Variants in LRBA observed in about 807,000 individuals in gnomAD.
The protein encoded by LRBA is lipopolysaccharide-responsive and beige-like anchor protein.
In LRBA, 176 loss-of-function variants were observed where a neutral mutation model predicts 330.0. The ratio of observed to expected loss-of-function variants is 0.53; its 90% CI spans 0.47 to 0.60. The LOEUF (loss-of-function observed/expected upper bound fraction) is 0.60, where lower values mean the gene tolerates loss of function less well. Among genes scored for constraint, LRBA ranks in the 20% least tolerant of loss-of-function variants. The pLI is 0.00. For synonymous variants in LRBA, 1,230 were observed against 1,193.0 expected, an observed-to-expected ratio of 1.03 and a Z score of -0.64; for missense variants, 3,259 against 3,444.8, an observed-to-expected ratio of 0.95 and a Z score of 1.35.
intron 2 of LRBA, among the ~76,000 whole-genome samples, chr4:150,988,922 T>G: frequency 6.6e-6 from 1 of 152,008 alleles, no homozygotes; most frequent in Non-Finnish European, 1.5e-5. Context: ...AATGAGTTTT[T>G]ATTGGCTGTT....
intron 37 of LRBA, among the ~76,000 whole-genome samples, chr4:150,670,922 T>TC (rs1196780491): frequency 7.9e-5 from 12 of 152,116 alleles, no homozygotes; most frequent in African/African-American, 2.9e-4. Flanking sequence ...ATTATCTTTC[T>TC]CCCCCACAAT....
At chr4:150,453,212 C>G (rs1753609826) in intron 44 of LRBA, among the ~76,000 whole-genome samples, 1 of 151,418 alleles carries the variant, frequency 6.6e-6, no homozygotes, top group Non-Finnish European at 1.5e-5. Flanking sequence ...AAGCCTAGAA[C>G]AGCCAAACAA....
At chr4:150,864,587 T>C (rs1752428377) in intron 22 of LRBA, among the ~76,000 whole-genome samples, 1 of 150,934 alleles carries the variant, frequency 6.6e-6, no homozygotes, top group East Asian at 1.9e-4. Flanking sequence ...CATACAGCTA[T>C]GCAGTAGGAA....
intron 33 of LRBA, among the ~76,000 whole-genome samples, chr4:150,802,794 C>T (rs1311425315): frequency 1.3e-5 from 2 of 151,810 alleles, no homozygotes; most frequent in South Asian, 2.1e-4. Flanking sequence ...GAGGCAAGGC[C>T]GGAGGACTGC....
At chr4:150,292,753 TG>T (rs1275105644) in intron 53 of LRBA, among the ~76,000 whole-genome samples, 6 of 152,184 alleles carry the variant, frequency 3.9e-5, no homozygotes, top group Non-Finnish European at 7.4e-5. Flanking sequence ...AAAGGATCAT[TG>T]GATCTGGTTT....
chr4:150,587,988 CT>C, intron 40 of LRBA, 59 bp downstream of exon 40: 1 of 1,554,428 alleles, frequency 6.4e-7, no homozygotes, highest in South Asian at 1.3e-5. Flanking sequence ...AATCCCAATC[CT>C]ATCCAACAGC....
chr4:150,435,826 T>C (rs1751039744), intron 45 of LRBA, 118 bp from the exon 46 acceptor site: 1 of 582,960 alleles, frequency 1.7e-6, no homozygotes, highest in Non-Finnish European at 2.9e-6. Context: ...TAATATAAAC[T>C]AGGTATATAA....
intron 48 of LRBA, among the ~76,000 whole-genome samples, chr4:150,331,870 T>C (rs1734045543): frequency 6.6e-6 from 1 of 152,154 alleles, no homozygotes; most frequent in Non-Finnish European, 1.5e-5. Flanking sequence ...ACAGCCTCAG[T>C]TCAAATCTTA....
chr4:150,868,044 A>T (rs1752953619), intron 21 of LRBA, 138 bp downstream of exon 21: 1 of 951,194 alleles, frequency 1.1e-6, no homozygotes, highest in Non-Finnish European at 1.5e-6. Context: ...ACTATGTGGT[A>T]CATTATTTAC....
intron 17 of LRBA, among the ~76,000 whole-genome samples, chr4:150,885,436 C>A (rs1294898876): frequency 6.6e-6 from 1 of 152,058 alleles, no homozygotes; most frequent in Non-Finnish European, 1.5e-5. Context: ...GCCTGACCCA[C>A]ACAGTGAAAC....
rs542850058 is a variant in LRBA at position 150,737,307 on chromosome 4, A to G, written c.5646-1941T>C. Among the ~76,000 whole-genome samples, 395 of 152,178 alleles carry G rather than the reference A, an allele frequency of 2.6e-3. 1 individual carries two copies. Among genetic ancestry groups the G allele is most frequent in the Non-Finnish European group, 4.8e-3 (323 of 67,996 alleles). ...AAACCCTGTCTCTACTAAAAATATA[A>G]AAATTAGCCAGGCATGATGGCAGGT... On this transcript the variant is annotated intron_variant, in intron 35 of 56. Transcript: ENST00000651943.
At position 150,817,167 on chromosome 4, in the gene LRBA, T is replaced by C; in HGVS notation, c.5262A>G (p.Ser1754=). Residue 1754 remains serine (S), a synonymous_variant, in exon 31 of 57, where the codon TCA becomes TCG. Coordinates refer to ENST00000651943, the MANE Select transcript of LRBA (RefSeq NM_001364905.1). ...TATCTGAGGCTTGGGCTGAATCTACTGAGGAAACCACACTGACAGCATTGG... is the reference window on the plus strand; with the variant it reads ...TATCTGAGGCTTGGGCTGAATCTACCGAGGAAACCACACTGACAGCATTGG... ...IPTNAVSVVS[S]VDSAQASDMG... 1 of 1,612,194 alleles carries C rather than the reference T, an allele frequency of 6.2e-7. No homozygotes were observed. The highest frequency in any genetic ancestry group is 8.5e-7 in the Non-Finnish European group (1 of 1,178,618).
intron 47 of LRBA, among the ~76,000 whole-genome samples, chr4:150,360,900 A>C (rs1447736510): frequency 1.3e-5 from 2 of 152,206 alleles, no homozygotes; most frequent in Non-Finnish European, 2.9e-5. Flanking sequence ...TATCCTCTAA[A>C]TAATAAAGGT....
At chr4:150,794,138 T>C (rs1740405656) in intron 34 of LRBA, among the ~76,000 whole-genome samples, 1 of 152,136 alleles carries the variant, frequency 6.6e-6, no homozygotes, top group Non-Finnish European at 1.5e-5. Flanking sequence ...AGAAAAAGCA[T>C]GTACCAAGAC....
At chr4:150,613,086 CCATAA>C (rs1334143827) in intron 37 of LRBA, among the ~76,000 whole-genome samples, 1 of 151,906 alleles carries the variant, frequency 6.6e-6, no homozygotes, top group Non-Finnish European at 1.5e-5. Context: ...TAAGTTAGAG[CCATAA>C]CATAAAAAAT....
At chr4:150,773,720 A>C (rs1736891434) in intron 34 of LRBA, among the ~76,000 whole-genome samples, 1 of 152,204 alleles carries the variant, frequency 6.6e-6, no homozygotes, top group Non-Finnish European at 1.5e-5. Context: ...AGGTCAGGAA[A>C]CCAATGTGGA....
chr4:150,883,672 T>C (rs1728644246), intron 17 of LRBA, among the ~76,000 whole-genome samples: 1 of 152,194 alleles, frequency 6.6e-6, no homozygotes, highest in South Asian at 2.1e-4. Context: ...GAACTCCAAT[T>C]AGATTGAAGG....
In LRBA at chr4:150,583,092, G is replaced by A; in HGVS notation, c.6330+4956C>T. The A allele has an allele frequency of 1.2e-6, 2 of 1,614,148 alleles. No individual in the cohort carries two copies. The highest frequency in any genetic ancestry group is 1.7e-6 in the Non-Finnish European group (2 of 1,180,012). On this transcript the variant is annotated intron_variant, in intron 40 of 56. Transcript: ENST00000651943. This position sits in a 1 kb window ranked among gnomAD's most constrained non-coding sequence, Gnocchi z 9.8. ...ATAAGTACTACACTGAGCGCTGTCA[G>A]GCGCGCAAGGCGGCCATCGCCAAAA...
intron 36 of LRBA, among the ~76,000 whole-genome samples, chr4:150,700,777 CAG>C (rs1785046536): frequency 3.5e-5 from 5 of 141,500 alleles, no homozygotes; most frequent in African/African-American, 1.4e-4. Context: ...TTTTTTGAGA[CAG>C]AGTCTTGCTC....
Sources: gnomAD v4.1 joint callset for allele counts (sites outside exome capture counted in the v4.1 genomes callset) on GRCh38, gnomAD v4.1.1 for gene constraint, Gnocchi (gnomAD v3.1) non-coding constraint, MANE v1.5 for transcripts, NCBI Gene and HGNC (gene_info 2026-07-23, HGNC 2026-07-21) for gene names.